The following NUF2 variants were observed in gnomAD, a reference collection of about 807,000 sequenced individuals.
NUF2 encodes kinetochore protein Nuf2.
A neutral mutation model predicts 61.8 loss-of-function variants in NUF2; 34 were observed. The ratio of observed to expected loss-of-function variants is 0.55; its 90% CI spans 0.42 to 0.73. NUF2 has a LOEUF of 0.73. NUF2 is among the 30% of genes least tolerant of loss of function. The pLI is 0.00. For synonymous variants in NUF2, 172 were observed against 181.6 expected (o/e 0.95, Z 0.42); for missense variants, 445 against 539.1 (o/e 0.83, Z 1.73).
chr1:163,331,734 A>AT (rs1471174169), intron 5 of NUF2, among the ~76,000 whole-genome samples: 1 of 151,910 alleles, frequency 6.6e-6, no homozygotes, highest in African/African-American at 2.4e-5. Context: ...TTGGTGATTT[A>AT]TTTTTTTAAA....
At chr1:163,338,199 C>A in intron 7 of NUF2, 106 bp downstream of exon 7, 2 of 715,860 alleles carry the variant, frequency 2.8e-6, no homozygotes, top group Non-Finnish European at 4.7e-6. Flanking sequence ...CTTTTATCTC[C>A]CTTAATAAAT....
chr1:163,343,868 A>C lies in NUF2; in HGVS notation c.805A>C (p.Arg269=). The change falls in exon 10 of 14, where the codon AGA becomes CGA. Residue 269 remains arginine (R), a splice_region_variant and synonymous_variant. Transcript: ENST00000271452. ...KDTVQKLKNA[R]QEVVEKYEIY... ...TACGGTCCAGAAGCTTAAAAATGCC[A>C]GAGTGAGTTTTCTTTTTATTTTAAT... The C allele has an allele frequency of 7.2e-7, 1 of 1,392,874 alleles. No homozygotes were observed. Among genetic ancestry groups the C allele is most frequent in the Non-Finnish European group, 9.4e-7 (1 of 1,062,286 alleles). The allele number at this position is 1,392,874 out of a possible 1,614,324, so 86.3% of individuals were successfully genotyped here. A position where few individuals can be genotyped will look rare whatever the true frequency, so the allele number is the denominator to read the frequency against.
At chr1:163,340,571 A>G (rs1278207767) in intron 9 of NUF2, 145 bp downstream of exon 9, 1 of 564,220 alleles carries the variant, frequency 1.8e-6, no homozygotes, top group African/African-American at 2.0e-5. Flanking sequence ...AATATAATAG[A>G]TGACTATTGT....
At chr1:163,339,942 G>A (rs1650885731) in intron 8 of NUF2, among the ~76,000 whole-genome samples, 1 of 152,042 alleles carries the variant, frequency 6.6e-6, no homozygotes, top group Non-Finnish European at 1.5e-5. Flanking sequence ...TGTGATAAAA[G>A]CAAGTACAAT....
chr1:163,341,225 T>C, intron 9 of NUF2, among the ~76,000 whole-genome samples: 1 of 152,184 alleles, frequency 6.6e-6, no homozygotes, highest in East Asian at 1.9e-4. Context: ...TTTTAGTTTT[T>C]TTGAGACAGA....
chr1:163,355,080 T>C (rs1326634291), intron 13 of NUF2, among the ~76,000 whole-genome samples: 1 of 152,092 alleles, frequency 6.6e-6, no homozygotes, highest in Non-Finnish European at 1.5e-5. Flanking sequence ...TGTTTGTTCT[T>C]ATTGTATTAG....
intron 6 of NUF2, among the ~76,000 whole-genome samples, chr1:163,337,221 G>A (rs2101677372): frequency 6.6e-6 from 1 of 152,104 alleles, no homozygotes; most frequent in African/African-American, 2.4e-5. Flanking sequence ...GTTTATATTT[G>A]CCTTTTAAAT....
At chr1:163,354,743 AATATT>A (rs1488882807) in intron 13 of NUF2, among the ~76,000 whole-genome samples, 1 of 152,120 alleles carries the variant, frequency 6.6e-6, no homozygotes, top group East Asian at 1.9e-4. Flanking sequence ...AAGGAGGATC[AATATT>A]ATATTTGACA....
rs796911119 is a variant in NUF2, at chr1:163,347,618, T to C, written c.949-145T>C. 22 of 568,944 alleles carry C rather than the reference T, an allele frequency of 3.9e-5. No homozygotes were observed. In the African/African-American group the frequency reaches 4.1e-4, roughly 11 times the overall value. The allele number at this position is 568,944 out of a possible 1,614,324, so 35.2% of individuals were successfully genotyped here. On this transcript the variant is annotated intron_variant, in intron 11 of 13. Coordinates refer to ENST00000271452, the MANE Select transcript of NUF2 (RefSeq NM_145697.3). ...TTGTCTCTTCTGGTTCATCTGCATTTTTCTGCCGGACTTTCAGGTTTTAAA... is the reference window on the plus strand; with the variant it reads ...TTGTCTCTTCTGGTTCATCTGCATTCTTCTGCCGGACTTTCAGGTTTTAAA...
chr1:163,353,638 C>T lies in NUF2; in HGVS notation c.1261-1697C>T, dbSNP rs191645885. On this transcript the variant is annotated intron_variant, in intron 13 of 13. Coordinates refer to ENST00000271452, the MANE Select transcript of NUF2 (RefSeq NM_145697.3). ...CTTCAACGAGGCCATCACAGTAAAA[C>T]TTATTATATGTGAATTAGGGTGGAT... Among the ~76,000 whole-genome samples, 9 of 152,262 alleles carry T rather than the reference C, an allele frequency of 5.9e-5. No homozygotes were observed. In the East Asian group the frequency reaches 1.5e-3, roughly 26 times the overall value.
At chr1:163,325,049 A>C (rs1048569878) in intron 1 of NUF2, among the ~76,000 whole-genome samples, 1 of 151,856 alleles carries the variant, frequency 6.6e-6, no homozygotes, top group African/African-American at 2.4e-5. Context: ...GGCATAGGCC[A>C]CCATGCCTGG....
chr1:163,349,837 G>A (rs1428884763), intron 13 of NUF2, among the ~76,000 whole-genome samples: 2 of 151,800 alleles, frequency 1.3e-5, no homozygotes, highest in Non-Finnish European at 2.9e-5. Flanking sequence ...AAACTGGAAG[G>A]AAAAGAAATA....
chr1:163,343,905 T>TAAA, intron 10 of NUF2, 35 bp downstream of exon 10: 1 of 1,121,640 alleles, frequency 8.9e-7, no homozygotes, highest in Non-Finnish European at 1.2e-6. Flanking sequence ...CTTTTGTATC[T>TAAA]AAAAAAAAAA....
At chr1:163,325,786 T>G (rs3010373) in intron 1 of NUF2, among the ~76,000 whole-genome samples, 46,162 of 152,004 alleles carry the variant, frequency 0.3, 7,501 homozygotes, top group East Asian at 0.6. Context: ...CCAAATGTGT[T>G]GTTCTCTTCC....
At chr1:163,339,333 C>A (rs1487263874) in intron 7 of NUF2, 48 bp from the exon 8 acceptor site, 1 of 1,124,284 alleles carries the variant, frequency 8.9e-7, no homozygotes. Flanking sequence ...TTCATTTTAG[C>A]CTTTCAAAAG....
At chr1:163,336,928 T>C in intron 6 of NUF2, 80 bp downstream of exon 6, 1 of 892,588 alleles carries the variant, frequency 1.1e-6, no homozygotes, top group South Asian at 1.4e-5. Flanking sequence ...TTGAAATGAT[T>C]GTCATAGACA....
At chr1:163,327,071 T>G (rs1650441003) in intron 2 of NUF2, among the ~76,000 whole-genome samples, 1 of 151,254 alleles carries the variant, frequency 6.6e-6, no homozygotes, top group Admixed American at 6.6e-5. Flanking sequence ...CCTTAATATC[T>G]ATGGCAGCAA....
chr1:163,347,733 T>G, intron 11 of NUF2, 30 bp from the exon 12 acceptor site: 1 of 1,382,120 alleles, frequency 7.2e-7, no homozygotes, highest in Non-Finnish European at 9.7e-7. Context: ...ATTGGTTATG[T>G]TGACTTTAAA....
chr1:163,345,299 GTTA>G lies in NUF2; in HGVS notation c.808-374_808-372del, dbSNP rs545456382. ...TTTAAAAGAATTAGCTATAGTAGTC[GTTA>G]TTATACAAATGAATGGGAAGATTAT... On this transcript the variant is annotated intron_variant, in intron 10 of 13. Transcript: ENST00000271452. Among the ~76,000 whole-genome samples the G allele has an allele frequency of 3.8e-3, 580 of 152,168 alleles. 3 individuals are homozygous for G. The highest frequency in any genetic ancestry group is 0.013 in the African/African-American group (549 of 41,530).
Sources: allele counts gnomAD v4.1 joint callset (sites outside exome capture counted in the v4.1 genomes callset), GRCh38; gene constraint gnomAD v4.1.1; transcripts MANE v1.5; gene names NCBI Gene and HGNC (gene_info 2026-07-23, HGNC 2026-07-21).